The following CPVL variants were observed in gnomAD, a reference collection of about 807,000 sequenced individuals.
The protein encoded by CPVL is probable serine carboxypeptidase CPVL.
Under a neutral mutation model 63.7 loss-of-function variants are expected in CPVL, and 51 were observed. The observed-to-expected ratio is 0.80, with a 90% CI of 0.64 to 1.01. CPVL has a LOEUF of 1.01. Among genes scored for constraint, CPVL ranks in the 50% least tolerant of loss-of-function variants. The probability of loss-of-function intolerance (pLI) is 0.00; values close to 1 mark genes in which losing one functional copy is unlikely to be tolerated. For synonymous variants in CPVL, 195 were observed against 206.0 expected (o/e 0.95, Z 0.46); for missense variants, 530 against 573.1 (o/e 0.92, Z 0.77).
chr7:29,107,031 T>C (rs1442131112), intron 3 of CPVL, among the ~76,000 whole-genome samples: 2 of 152,156 alleles, frequency 1.3e-5, no homozygotes, highest in African/African-American at 4.8e-5. Context: ...TCTTCCAAGG[T>C]TGGTACCCAC....
At chr7:29,184,909 A>T (rs1393163872) in intron 3 of CPVL, among the ~76,000 whole-genome samples, 1 of 152,200 alleles carries the variant, frequency 6.6e-6, no homozygotes, top group African/African-American at 2.4e-5. Context: ...TTATGTGGAT[A>T]AGGACAAAAA....
intron 1 of CPVL, among the ~76,000 whole-genome samples, chr7:29,139,242 G>T (rs540402666): frequency 6.6e-6 from 1 of 152,128 alleles, no homozygotes; most frequent in East Asian, 1.9e-4. Context: ...GTATATCCTT[G>T]GGCAAGCCAA....
chr7:28,996,114 T>C, intron 12 of CPVL: 1 of 432,212 alleles, frequency 2.3e-6, no homozygotes, highest in Non-Finnish European at 4.0e-6. Flanking sequence ...AGTTGTATTC[T>C]TTTCTCATGA....
At chr7:29,096,373 G>A (rs1446212193) in intron 3 of CPVL, 156 bp from the exon 4 acceptor site, 4 of 626,630 alleles carry the variant, frequency 6.4e-6, no homozygotes, top group Admixed American at 2.6e-5. Context: ...TCCACTATGA[G>A]CAAAGTACTG....
At chr7:29,018,344 C>T (rs990130677) in intron 12 of CPVL, among the ~76,000 whole-genome samples, 19 of 149,098 alleles carry the variant, frequency 1.3e-4, no homozygotes, top group Non-Finnish European at 3.0e-5. Context: ...AGCAATTTCT[C>T]AGTATGGTTA....
At chr7:29,055,776 C>G (rs561807285) in intron 11 of CPVL, among the ~76,000 whole-genome samples, 4 of 152,218 alleles carry the variant, frequency 2.6e-5, no homozygotes, top group Non-Finnish European at 4.4e-5. Flanking sequence ...GAATTCCCTT[C>G]TCTGCCTTTT....
chr7:29,061,234 C>T (rs372139673), intron 11 of CPVL, among the ~76,000 whole-genome samples: 1 of 151,780 alleles, frequency 6.6e-6, no homozygotes, highest in Non-Finnish European at 1.5e-5. Context: ...ATGGTGAAAC[C>T]CTGTCTCTAC....
At chr7:29,112,552 G>T in intron 3 of CPVL, 152 bp downstream of exon 3, 1 of 562,656 alleles carries the variant, frequency 1.8e-6, no homozygotes, top group Non-Finnish European at 3.2e-6. Context: ...CACCATGCAG[G>T]TTTGCTTATT....
intron 12 of CPVL, among the ~76,000 whole-genome samples, chr7:29,027,396 G>C (rs1787602261): frequency 6.6e-6 from 1 of 152,106 alleles, no homozygotes; most frequent in African/African-American, 2.4e-5. Context: ...AAAGCTGAAA[G>C]CATTTCCTCT....
chr7:29,051,550 C>A (rs1790163577), intron 11 of CPVL, among the ~76,000 whole-genome samples: 1 of 152,090 alleles, frequency 6.6e-6, no homozygotes. Context: ...CATGCGATAC[C>A]ACCTCACTCC....
At chr7:29,018,442 G>A (rs1055608101) in intron 12 of CPVL, among the ~76,000 whole-genome samples, 3 of 147,770 alleles carry the variant, frequency 2.0e-5, no homozygotes, top group South Asian at 2.1e-4. Flanking sequence ...GCAGTGGCGC[G>A]ATCTCAGCTC....
intron 12 of CPVL, among the ~76,000 whole-genome samples, chr7:28,998,835 T>C (rs182296740): frequency 6.6e-6 from 1 of 151,592 alleles, no homozygotes; most frequent in African/African-American, 2.4e-5. Context: ...TATATGCTTA[T>C]ATGAACCTAA....
chr7:29,101,680 C>A, intron 3 of CPVL, among the ~76,000 whole-genome samples: 2 of 147,912 alleles, frequency 1.4e-5, no homozygotes, highest in Middle Eastern at 3.5e-3. Context: ...TTTTTTTTTT[C>A]TTCAGTGAAG....
At chr7:29,103,182 G>GGT (rs1221810664) in intron 3 of CPVL, among the ~76,000 whole-genome samples, 5 of 19,432 alleles carry the variant, frequency 2.6e-4, no homozygotes, top group Admixed American at 4.6e-4. Flanking sequence ...TAATATACTG[G>GGT]GGGGGGGGGG....
At chr7:29,099,663 G>C (rs1485209864) in intron 3 of CPVL, among the ~76,000 whole-genome samples, 1 of 152,196 alleles carries the variant, frequency 6.6e-6, no homozygotes, top group Non-Finnish European at 1.5e-5. Context: ...AGTGAGCCGA[G>C]ATCATGCCAC....
At chr7:29,003,796 C>A (rs1784906146) in intron 12 of CPVL, among the ~76,000 whole-genome samples, 1 of 152,122 alleles carries the variant, frequency 6.6e-6, no homozygotes, top group South Asian at 2.1e-4. Flanking sequence ...CACTTCAGAT[C>A]ATCAGGCATT....
At chr7:29,118,810 T>C (rs747455719) in intron 2 of CPVL, among the ~76,000 whole-genome samples, 4 of 152,220 alleles carry the variant, frequency 2.6e-5, no homozygotes, top group Non-Finnish European at 4.4e-5. Context: ...TTCTTCTTCA[T>C]TCCCATCACA....
At chr7:29,064,282 G>C in intron 10 of CPVL, 48 bp from the exon 11 acceptor site, 1 of 1,195,574 alleles carries the variant, frequency 8.4e-7, no homozygotes, top group Non-Finnish European at 1.2e-6. Context: ...ATTGGTGGCA[G>C]GAACAGTATG....
At chr7:29,150,372 G>A (rs1037713118), upstream of CPVL, among the ~76,000 whole-genome samples, 5 of 152,200 alleles carry the variant, frequency 3.3e-5, no homozygotes, top group Admixed American at 6.5e-5. Context: ...AATGGCAGCT[G>A]TAACAATAAT....
Sources: allele counts gnomAD v4.1 joint callset (sites outside exome capture counted in the v4.1 genomes callset), GRCh38; gene constraint gnomAD v4.1.1; transcripts MANE v1.5; gene names NCBI Gene and HGNC (gene_info 2026-07-23, HGNC 2026-07-21).